Variants in LRRFIP2 observed in about 807,000 individuals in gnomAD.
The protein encoded by LRRFIP2 is LRR binding FLII interacting protein 2.
LRRFIP2 carries 109 observed loss-of-function variants against 125.9 expected under a neutral mutation model. The observed-to-expected ratio is 0.87, with a 90% CI of 0.74 to 1.01. The LOEUF (loss-of-function observed/expected upper bound fraction) is 1.01, where lower values mean the gene tolerates loss of function less well. Ranked by LOEUF, LRRFIP2 falls within the 50% of genes least tolerant of loss-of-function variation. The probability of loss-of-function intolerance (pLI) is 0.00; values close to 1 mark genes in which losing one functional copy is unlikely to be tolerated. For synonymous variants in LRRFIP2, 291 were observed against 293.1 expected, an observed-to-expected ratio of 0.99 and a Z score of 0.07; for missense variants, 850 against 862.3, an observed-to-expected ratio of 0.99 and a Z score of 0.18.
chr3:37,107,724 G>A (rs2094395053), intron 13 of LRRFIP2, among the ~76,000 whole-genome samples: 1 of 152,040 alleles, frequency 6.6e-6, no homozygotes, highest in Non-Finnish European at 1.5e-5. Flanking sequence ...GGCTCAATGT[G>A]CAGAATGTAA....
At chr3:37,143,789 G>A in intron 2 of LRRFIP2, 1 of 162,846 alleles carries the variant, frequency 6.1e-6, no homozygotes, top group Non-Finnish European at 1.3e-5. Context: ...GTATGCATCA[G>A]GAAGTCCAGT....
intron 18 of LRRFIP2, among the ~76,000 whole-genome samples, chr3:37,085,742 C>T (rs1262031051): frequency 1.3e-5 from 2 of 151,780 alleles, no homozygotes; most frequent in East Asian, 3.9e-4. Context: ...TCACCACTCC[C>T]GGCTAATTTT....
intron 8 of LRRFIP2, among the ~76,000 whole-genome samples, chr3:37,112,296 A>G (rs1213231083): frequency 6.7e-6 from 1 of 150,206 alleles, no homozygotes; most frequent in Non-Finnish European, 1.5e-5. Context: ...AGATCGCGCC[A>G]TGCACTCCAG....
chr3:37,074,024 C>A (rs2091677124), intron 20 of LRRFIP2, among the ~76,000 whole-genome samples: 1 of 152,186 alleles, frequency 6.6e-6, no homozygotes, highest in Admixed American at 6.5e-5. Context: ...TTATCTGTAT[C>A]TGCACTTGAA....
intron 21 of LRRFIP2, among the ~76,000 whole-genome samples, chr3:37,071,198 C>T (rs2091122844): frequency 6.6e-6 from 1 of 152,134 alleles, no homozygotes; most frequent in Non-Finnish European, 1.5e-5. Flanking sequence ...TATAAAGTAG[C>T]TTTTGTTCTT....
intron 20 of LRRFIP2, 62 bp from the exon 21 acceptor site, chr3:37,072,944 G>C: frequency 1.8e-6 from 2 of 1,084,538 alleles, no homozygotes; most frequent in Non-Finnish European, 2.7e-6. Flanking sequence ...GAGGAGGTTT[G>C]AGGGAGGAAA....
intron 2 of LRRFIP2, among the ~76,000 whole-genome samples, chr3:37,140,834 C>T (rs1332693906): frequency 6.6e-6 from 1 of 152,130 alleles, no homozygotes; most frequent in African/African-American, 2.4e-5. Flanking sequence ...TATCCTCCCT[C>T]CATATTCAGT....
intron 1 of LRRFIP2, among the ~76,000 whole-genome samples, chr3:37,149,503 C>A (rs1396995365): frequency 6.6e-6 from 1 of 151,760 alleles, no homozygotes; most frequent in South Asian, 2.1e-4. Flanking sequence ...GGAGACGGAG[C>A]AAGACTCTGT....
chr3:37,058,936 G>A, intron 24 of LRRFIP2, 26 bp from the exon 25 acceptor site: 1 of 1,612,342 alleles, frequency 6.2e-7, no homozygotes, highest in Middle Eastern at 1.9e-4. Context: ...AGGTTCATCA[G>A]CAAGATCCAA....
intron 8 of LRRFIP2, 78 bp from the exon 9 acceptor site, chr3:37,111,143 C>T: frequency 9.2e-7 from 1 of 1,083,676 alleles, no homozygotes; most frequent in South Asian, 1.4e-5. Flanking sequence ...CAAAACTGAA[C>T]ACAAAAAGGC....
At chr3:37,150,848 G>A (rs1001288041) in intron 1 of LRRFIP2, among the ~76,000 whole-genome samples, 22 of 152,168 alleles carry the variant, frequency 1.4e-4, no homozygotes, top group Admixed American at 1.3e-3. Context: ...TTAATGTACT[G>A]GAATTTAGTT....
intron 17 of LRRFIP2, among the ~76,000 whole-genome samples, chr3:37,093,993 G>A (rs1245131869): frequency 2.0e-5 from 3 of 152,054 alleles, no homozygotes; most frequent in Admixed American, 6.6e-5. Context: ...TCTTCTCCTA[G>A]TCCAATTTAA....
At chr3:37,110,966 TA>T in intron 9 of LRRFIP2, 24 bp downstream of exon 9, 1 of 1,608,438 alleles carries the variant, frequency 6.2e-7, no homozygotes, top group Non-Finnish European at 8.5e-7. Context: ...ATCAAACACA[TA>T]AAGCCAAAAA....
intron 18 of LRRFIP2, among the ~76,000 whole-genome samples, 161 bp from the exon 19 acceptor site, chr3:37,083,967 G>A (rs1316218898): frequency 1.3e-5 from 2 of 152,116 alleles, no homozygotes; most frequent in Non-Finnish European, 2.9e-5. Context: ...ATGTGAAACA[G>A]GAAGACAATA....
chr3:37,103,882 A>T (rs1229335972), intron 14 of LRRFIP2, among the ~76,000 whole-genome samples: 14 of 152,198 alleles, frequency 9.2e-5, no homozygotes, highest in Admixed American at 9.2e-4. Context: ...TATTCCTAGC[A>T]CTTAACACAG....
intron 2 of LRRFIP2, chr3:37,140,401 A>G (rs902044699): frequency 3.3e-5 from 5 of 151,390 alleles, no homozygotes; most frequent in Admixed American, 2.0e-4. Flanking sequence ...CAAGGATGAT[A>G]TACAAATTTG....
At chr3:37,071,475 C>CCTTGGCTTCCCAAA (rs572807142) in intron 21 of LRRFIP2, among the ~76,000 whole-genome samples, 60,877 of 151,986 alleles carry the variant, frequency 0.4, 12,761 homozygotes, top group Non-Finnish European at 0.46. Context: ...AGCGATCCTC[C>CCTTGGCTTCCCAAA]GTGCTAGGAT....
intron 1 of LRRFIP2, among the ~76,000 whole-genome samples, chr3:37,166,066 G>T (rs775745221): frequency 6.6e-6 from 1 of 152,148 alleles, no homozygotes; most frequent in African/African-American, 2.4e-5. Flanking sequence ...GGCAGGGCGC[G>T]GTGGCTCACA....
At chr3:37,124,929 G>A (rs1047911962) in intron 4 of LRRFIP2, among the ~76,000 whole-genome samples, 1 of 151,970 alleles carries the variant, frequency 6.6e-6, no homozygotes, top group Non-Finnish European at 1.5e-5. Context: ...GTGTTCTTAG[G>A]TGCCAGTTAC....
Sources: allele counts gnomAD v4.1 joint callset (sites outside exome capture counted in the v4.1 genomes callset), GRCh38; gene constraint gnomAD v4.1.1; transcripts MANE v1.5; gene names NCBI Gene and HGNC (gene_info 2026-07-23, HGNC 2026-07-21).